The following ZSWIM3 variants were observed in gnomAD, a reference collection of about 807,000 sequenced individuals.
ZSWIM3 encodes zinc finger SWIM domain-containing protein 3.
A neutral mutation model predicts 47.5 loss-of-function variants in ZSWIM3; 27 were observed. That is an observed-to-expected ratio of 0.57 (90% CI 0.42 to 0.78). The LOEUF (loss-of-function observed/expected upper bound fraction) is 0.78, where lower values mean the gene tolerates loss of function less well. Ranked by LOEUF, ZSWIM3 falls within the 30% of genes least tolerant of loss-of-function variation. The pLI is 0.00. For synonymous variants in ZSWIM3, 333 were observed against 333.9 expected, an observed-to-expected ratio of 1.00 and a Z score of 0.03; for missense variants, 689 against 861.3, an observed-to-expected ratio of 0.80 and a Z score of 2.50.
Position 45,857,771 on chromosome 20 carries a change from T to A in ZSWIM3, c.-55T>A, listed in dbSNP as rs1269699157. 6.3e-6 allele frequency: 10 copies of A among 1,594,240 alleles called. No homozygotes were observed. Among genetic ancestry groups the A allele is most frequent in the African/African-American group, 1.3e-5 (1 of 74,286 alleles). ...TCATAGTGTGACCTTTGACCCCTGG[T>A]GTGATCTTGGGCCCGGGCTGGGACC... On this transcript the variant is annotated 5_prime_UTR_variant, in exon 1 of 2. Coordinates refer to ENST00000255152, the MANE Select transcript of ZSWIM3 (RefSeq NM_080752.4).
chr20:45,878,657 T>C lies in ZSWIM3; in HGVS notation c.*8T>C. 1 of 1,596,078 alleles carries C rather than the reference T, an allele frequency of 6.3e-7. No homozygotes were observed. Among genetic ancestry groups the C allele is most frequent in the Non-Finnish European group, 8.6e-7 (1 of 1,167,898 alleles). Reference sequence around the variant, plus strand: ...GCTGTGATGCATTATTGAAGCACTTTAGCTGAAGCATTGGACCACAAACAC... The same window carrying C: ...GCTGTGATGCATTATTGAAGCACTTCAGCTGAAGCATTGGACCACAAACAC... On this transcript the variant is annotated 3_prime_UTR_variant, in exon 2 of 2. Transcript: ENST00000255152.
At chr20:45,862,340 G>T (rs899808034) in intron 1 of ZSWIM3, among the ~76,000 whole-genome samples, 5 of 151,510 alleles carry the variant, frequency 3.3e-5, no homozygotes, top group African/African-American at 4.9e-5. Flanking sequence ...TAGAGACAGG[G>T]TTTCACCATG....
chr20:45,864,776 C>T (rs4812968), intron 1 of ZSWIM3, among the ~76,000 whole-genome samples: 8,565 of 151,856 alleles, frequency 0.056, 284 homozygotes, highest in South Asian at 0.13. Flanking sequence ...CAGGAGGATC[C>T]CTTGAACCCG....
chr20:45,863,428 G>T (rs2145786356), intron 1 of ZSWIM3, among the ~76,000 whole-genome samples: 1 of 152,228 alleles, frequency 6.6e-6, no homozygotes, highest in East Asian at 1.9e-4. Flanking sequence ...AACAGGGTGG[G>T]GGTGCTGGTT....
rs1555826798 is a variant in ZSWIM3, at chr20:45,859,438, A to AAAG, written c.155+1461_155+1463dup. The stretch of plus-strand genomic sequence containing the variant: ...AAGGAATGTGGAAAAAAAAAAAAAA[A>AAAG]AAGAAATGTACGGAGAAAGAAATGA... On this transcript the variant is annotated intron_variant, in intron 1 of 1. Transcript: ENST00000255152. Among the ~76,000 whole-genome samples, 215 of 146,692 alleles carry AAAG rather than the reference A, an allele frequency of 1.5e-3. 5 individuals carry two copies. The highest frequency in any genetic ancestry group is 9.1e-3 in the Admixed American group (134 of 14,738).
rs779334279 is a variant in ZSWIM3 at position 45,877,924 on chromosome 20, G to T, written c.1366G>T (p.Ala456Ser). 3.1e-6 allele frequency: 5 copies of T among 1,614,080 alleles called. No individual in the cohort carries two copies. The highest frequency in any genetic ancestry group is 1.7e-5 in the Admixed American group (1 of 59,998). The change falls in exon 2 of 2, where the codon GCT (alanine) becomes TCT (serine). Residue 456 changes from alanine to serine, a missense_variant. Physicochemically the swap from Ala to Ser is moderately conservative, Grantham distance 99 (BLOSUM62 1). Transcript: ENST00000255152. ...AAGCATGCCACTGAAGTCCAAGAAGGCTTTTGGAATCTGTGGAGAGAGCCT... is the reference window on the plus strand; with the variant it reads ...AAGCATGCCACTGAAGTCCAAGAAGTCTTTTGGAATCTGTGGAGAGAGCCT... ...PASMPLKSKK[A>S]FGICGESLTS...
At chr20:45,864,978 G>C (rs1036327109) in intron 1 of ZSWIM3, among the ~76,000 whole-genome samples, 1 of 152,098 alleles carries the variant, frequency 6.6e-6, no homozygotes, top group Admixed American at 6.5e-5. Flanking sequence ...AGACCATCCT[G>C]GCTAACACGG....
chr20:45,874,007 A>G (rs947036435), intron 1 of ZSWIM3, among the ~76,000 whole-genome samples: 13 of 152,244 alleles, frequency 8.5e-5, no homozygotes, highest in Admixed American at 6.5e-4. Flanking sequence ...CTAGAATGAC[A>G]AAGCTGGAAA....
At chr20:45,859,731 T>C (rs1985654746) in intron 1 of ZSWIM3, among the ~76,000 whole-genome samples, 1 of 149,514 alleles carries the variant, frequency 6.7e-6, no homozygotes, top group South Asian at 2.1e-4. Context: ...TTAGGGACCA[T>C]TGTGAGGTGT....
intron 1 of ZSWIM3, among the ~76,000 whole-genome samples, chr20:45,870,942 A>T (rs560434959): frequency 2.8e-4 from 43 of 152,186 alleles, no homozygotes; most frequent in African/African-American, 1.0e-3. Context: ...TGATCCACCT[A>T]CCTTGGCCTC....
chr20:45,863,169 GTTT>G (rs201905761), intron 1 of ZSWIM3, among the ~76,000 whole-genome samples: 59 of 83,770 alleles, frequency 7.0e-4, no homozygotes, highest in Admixed American at 1.8e-3. Flanking sequence ...TGATTTCCTT[GTTT>G]TTTTTTTTGT....
In ZSWIM3 at chr20:45,877,995, A is replaced by G. The variant is rs192643379; in HGVS notation, c.1437A>G (p.Val479=). 4.4e-5 allele frequency: 71 copies of G among 1,614,008 alleles called. 1 individual carries two copies. In the East Asian group the frequency reaches 1.5e-3, roughly 34 times the overall value. ...AEETKPDAQQ[V]QVQQQSQVPP... ...AGACCAAGCCAGACGCACAGCAGGT[A>G]CAGGTACAGCAGCAGTCACAAGTGC... Residue 479 remains valine (V), a synonymous_variant, in exon 2 of 2, where the codon GTA becomes GTG. Transcript: ENST00000255152.
At chr20:45,874,248 A>G (rs1482869727) in intron 1 of ZSWIM3, among the ~76,000 whole-genome samples, 4 of 152,216 alleles carry the variant, frequency 2.6e-5, no homozygotes, top group African/African-American at 9.6e-5. Flanking sequence ...GCGGTGGCTC[A>G]CGCCTGTAAT....
intron 1 of ZSWIM3, among the ~76,000 whole-genome samples, chr20:45,859,983 C>T (rs1490157583): frequency 6.6e-6 from 1 of 151,976 alleles, no homozygotes; most frequent in African/African-American, 2.4e-5. Context: ...AAAATCACTG[C>T]GAGCTAGAGA....
intron 1 of ZSWIM3, among the ~76,000 whole-genome samples, chr20:45,874,385 GC>G (rs1229281964): frequency 6.6e-6 from 1 of 152,188 alleles, no homozygotes; most frequent in African/African-American, 2.4e-5. Context: ...AGTGCTGCAT[GC>G]CTGTCATCCC....
rs1986162799 is a variant in ZSWIM3 at position 45,878,464 on chromosome 20, C to A, written c.1906C>A (p.Pro636Thr). The change falls in exon 2 of 2, where the codon CCA becomes ACA. Residue 636 changes from proline to threonine, a missense_variant. Physicochemically the swap from Pro to Thr is conservative, Grantham distance 38. Transcript: ENST00000255152. ...LANLLMQTEGPELEERYSTLR... is the reference protein window; with the variant it reads ...LANLLMQTEGTELEERYSTLR... ...AAACCTGCTCATGCAGACCGAGGGG[C>A]CAGAGCTGGAGGAACGCTACTCCAC... The A allele has an allele frequency of 6.2e-7, 1 of 1,614,078 alleles. No individual in the cohort carries two copies. Among genetic ancestry groups the A allele is most frequent in the African/African-American group, 1.3e-5 (1 of 74,942 alleles).
At chr20:45,866,285 G>A (rs1321169044) in intron 1 of ZSWIM3, among the ~76,000 whole-genome samples, 2 of 152,044 alleles carry the variant, frequency 1.3e-5, no homozygotes, top group Admixed American at 6.5e-5. Context: ...GTGACAGAGC[G>A]AGACTCCATC....
At chr20:45,873,573 A>G (rs986618401) in intron 1 of ZSWIM3, among the ~76,000 whole-genome samples, 2 of 152,230 alleles carry the variant, frequency 1.3e-5, no homozygotes, top group African/African-American at 4.8e-5. Flanking sequence ...GCTAACTTGT[A>G]TTTAGGGTAA....
At chr20:45,876,035 T>C in intron 1 of ZSWIM3, among the ~76,000 whole-genome samples, 1 of 149,926 alleles carries the variant, frequency 6.7e-6, no homozygotes, top group South Asian at 2.1e-4. Context: ...TTTTTTGTTT[T>C]TTTGTTTTTT....
Sources: gnomAD v4.1 joint callset for allele counts (sites outside exome capture counted in the v4.1 genomes callset) on GRCh38, gnomAD v4.1.1 for gene constraint, MANE v1.5 for transcripts, NCBI Gene and HGNC (gene_info 2026-07-23, HGNC 2026-07-21) for gene names.